The following NEGR1 variants were observed in gnomAD, a reference collection of about 807,000 sequenced individuals.
NEGR1 encodes IgLON family member 4.
Under a neutral mutation model 40.9 loss-of-function variants are expected in NEGR1, and 10 were observed. The ratio of observed to expected loss-of-function variants is 0.24; its 90% CI spans 0.15 to 0.42. The LOEUF (loss-of-function observed/expected upper bound fraction) is 0.42, where lower values mean the gene tolerates loss of function less well. Ranked by LOEUF, NEGR1 falls within the 10% of genes least tolerant of loss-of-function variation. The probability of loss-of-function intolerance (pLI) is 1.00; values close to 1 mark genes in which losing one functional copy is unlikely to be tolerated. For synonymous variants in NEGR1, 185 were observed against 166.8 expected, an observed-to-expected ratio of 1.11 and a Z score of -0.84; for missense variants, 352 against 438.9, an observed-to-expected ratio of 0.80 and a Z score of 1.77.
chr1:71,451,218 G>A lies in NEGR1; in HGVS notation c.941-43648C>T, dbSNP rs76483600. Among the ~76,000 whole-genome samples, 13 of 152,140 alleles carry A rather than the reference G, an allele frequency of 8.5e-5. No individual in the cohort carries two copies. The East Asian group carries it at 2.5e-3, about 29-fold the overall frequency. The stretch of plus-strand genomic sequence containing the variant: ...TCATCATGTCAGAAGTTCTTAAACT[G>A]CTTTAGCATATTCTAACAAAGTTCT... On this transcript the variant is annotated intron_variant, in intron 6 of 6. Transcript: ENST00000357731.
chr1:71,776,335 T>A, intron 2 of NEGR1, 38 bp from the exon 3 acceptor site: 2 of 1,390,986 alleles, frequency 1.4e-6, no homozygotes, highest in South Asian at 1.4e-5. Context: ...GAAAAAAATA[T>A]ATAAAGTTTT....
intron 2 of NEGR1, among the ~76,000 whole-genome samples, chr1:71,833,149 A>C (rs1379151348): frequency 3.9e-5 from 6 of 152,102 alleles, no homozygotes; most frequent in African/African-American, 1.4e-4. Flanking sequence ...TTTTGAGATC[A>C]TCATAAAATA....
At chr1:71,990,418 T>C (rs1478186353) in intron 1 of NEGR1, among the ~76,000 whole-genome samples, 1 of 152,186 alleles carries the variant, frequency 6.6e-6, no homozygotes, top group African/African-American at 2.4e-5. Flanking sequence ...GTGACATATT[T>C]TGGTACCCTT....
chr1:71,824,612 A>G (rs1189642247), intron 2 of NEGR1, among the ~76,000 whole-genome samples: 7 of 151,954 alleles, frequency 4.6e-5, no homozygotes. Flanking sequence ...CTATTGTGTA[A>G]TCATCATCCA....
intron 1 of NEGR1, among the ~76,000 whole-genome samples, chr1:72,026,305 T>G (rs948172062): frequency 5.3e-5 from 8 of 151,286 alleles, no homozygotes; most frequent in African/African-American, 1.7e-4. Context: ...AGTCATTTTC[T>G]AGTTCGATTA....
chr1:72,012,860 C>T (rs200932551), intron 1 of NEGR1, among the ~76,000 whole-genome samples: 1 of 103,068 alleles, frequency 9.7e-6, no homozygotes, highest in Non-Finnish European at 2.0e-5. Flanking sequence ...TATATATACA[C>T]ACACACATAT....
chr1:71,896,920 A>T (rs1363216568), intron 2 of NEGR1, among the ~76,000 whole-genome samples: 2 of 152,168 alleles, frequency 1.3e-5, no homozygotes, highest in East Asian at 3.9e-4. Flanking sequence ...ATAAATGAAA[A>T]AATGAAGCTT....
chr1:71,961,099 T>C (rs1646162063), intron 1 of NEGR1, among the ~76,000 whole-genome samples: 1 of 152,180 alleles, frequency 6.6e-6, no homozygotes, highest in East Asian at 1.9e-4. Context: ...CCTATCTAAT[T>C]TCCTGATCAT....
intron 3 of NEGR1, among the ~76,000 whole-genome samples, chr1:71,756,484 A>C (rs1382337799): frequency 6.6e-6 from 1 of 151,904 alleles, no homozygotes; most frequent in Non-Finnish European, 1.5e-5. Flanking sequence ...AAGCCATTTT[A>C]TCTCTACAGA....
chr1:71,454,857 T>C (rs1569892981), intron 6 of NEGR1, among the ~76,000 whole-genome samples: 2 of 152,034 alleles, frequency 1.3e-5, no homozygotes, highest in Non-Finnish European at 2.9e-5. Context: ...ACACTGAAGG[T>C]TTTATCTTGC....
chr1:71,642,209 A>T (rs942417181), intron 4 of NEGR1, among the ~76,000 whole-genome samples: 2 of 151,952 alleles, frequency 1.3e-5, no homozygotes, highest in Admixed American at 1.3e-4. Flanking sequence ...TCAGCTGTTT[A>T]TTGTGTAAGT....
intron 2 of NEGR1, among the ~76,000 whole-genome samples, chr1:71,788,814 C>T (rs1468751493): frequency 1.3e-5 from 2 of 151,892 alleles, no homozygotes; most frequent in African/African-American, 4.8e-5. Flanking sequence ...ATATATTATT[C>T]ATTTGGTTAG....
At chr1:71,487,046 C>T (rs1292531790) in intron 6 of NEGR1, 1 of 151,264 alleles carries the variant, frequency 6.6e-6, no homozygotes, top group African/African-American at 2.4e-5. Context: ...CATAAGAAAC[C>T]GAGAGAAAGA....
At chr1:71,970,342 A>G (rs1315864118) in intron 1 of NEGR1, among the ~76,000 whole-genome samples, 4 of 152,126 alleles carry the variant, frequency 2.6e-5, no homozygotes, top group African/African-American at 4.8e-5. Flanking sequence ...GGTAATTATA[A>G]TGCATCAGGG....
At chr1:71,870,092 C>A (rs1271520098) in intron 2 of NEGR1, among the ~76,000 whole-genome samples, 1 of 151,938 alleles carries the variant, frequency 6.6e-6, no homozygotes, top group Non-Finnish European at 1.5e-5. Flanking sequence ...GTTGGCCAGG[C>A]TGGTCTTGAA....
intron 6 of NEGR1, among the ~76,000 whole-genome samples, chr1:71,496,544 A>G (rs1646964643): frequency 1.3e-5 from 2 of 152,092 alleles, no homozygotes; most frequent in African/African-American, 4.8e-5. Context: ...AGCTGTAAGG[A>G]GACCAGGATT....
chr1:72,154,105 T>C (rs1286420437), intron 1 of NEGR1, among the ~76,000 whole-genome samples: 1 of 151,848 alleles, frequency 6.6e-6, no homozygotes, highest in Non-Finnish European at 1.5e-5. Flanking sequence ...TGGATAGATT[T>C]GGGCCTGAGA....
intron 4 of NEGR1, among the ~76,000 whole-genome samples, chr1:71,668,383 T>A (rs12077327): frequency 0.036 from 5,490 of 152,312 alleles, 126 homozygotes; most frequent in African/African-American, 0.07. Flanking sequence ...GTCATCTTTT[T>A]GTTACTGCCA....
At chr1:71,585,688 C>CTTTTTTT (rs563536438) in intron 6 of NEGR1, among the ~76,000 whole-genome samples, 8 of 112,580 alleles carry the variant, frequency 7.1e-5, no homozygotes, top group African/African-American at 1.0e-4. Context: ...ACCTCTCCAT[C>CTTTTTTT]TTTTTTTTTT....
Sources: allele counts gnomAD v4.1 joint callset (sites outside exome capture counted in the v4.1 genomes callset), GRCh38; gene constraint gnomAD v4.1.1; transcripts MANE v1.5; gene names NCBI Gene and HGNC (gene_info 2026-07-23, HGNC 2026-07-21).